PTGER3: variants seen among roughly 807,000 people sequenced by gnomAD.
PTGER3 encodes prostaglandin E receptor 3.
A neutral mutation model predicts 34.7 loss-of-function variants in PTGER3; 22 were observed. That is an observed-to-expected ratio of 0.63 (90% CI 0.45 to 0.91). The LOEUF is 0.91. PTGER3 is among the 40% of genes least tolerant of loss of function. PTGER3 has a pLI of 0.00. For synonymous variants in PTGER3, 241 were observed against 230.1 expected, an observed-to-expected ratio of 1.05 and a Z score of -0.43; for missense variants, 468 against 519.4, an observed-to-expected ratio of 0.90 and a Z score of 0.96.
chr1:70,991,906 G>A (rs1348775374), intron 2 of PTGER3, among the ~76,000 whole-genome samples: 2 of 152,066 alleles, frequency 1.3e-5, no homozygotes, highest in African/African-American at 4.8e-5. Flanking sequence ...TAGATTATAG[G>A]TCTTATGGTG....
At chr1:70,852,577 A>T in exon 5 of PTGER3, 1 of 502,736 alleles carries the variant, frequency 2.0e-6, no homozygotes, top group South Asian at 3.0e-5. Context: ...AATTTTACAT[A>T]TGATAATGTA....
At position 70,971,519 on chromosome 1, in the gene PTGER3, T is replaced by C; in HGVS notation, c.*211A>G. 8.2e-7 allele frequency: 1 copy of C among 1,216,956 alleles called. No individual in the cohort carries two copies. Among genetic ancestry groups the C allele is most frequent in the Non-Finnish European group, 1.0e-6 (1 of 971,356 alleles). The allele number at this position is 1,216,956 out of a possible 1,614,324, so 75.4% of individuals were successfully genotyped here. A position where few individuals can be genotyped will look rare whatever the true frequency, so the allele number is the denominator to read the frequency against. ...TCTTAAATGCATATTCAAAATCCCA[T>C]CCAAGAAACCAATCTAATATTCAGA... On this transcript the variant is annotated 3_prime_UTR_variant, in exon 4 of 4. Coordinates refer to ENST00000306666, the MANE Select transcript of PTGER3 (RefSeq NM_198719.2).
exon 5 of PTGER3, chr1:70,852,508 A>C (rs1203874216): frequency 1.1e-5 from 4 of 364,176 alleles, no homozygotes; most frequent in Non-Finnish European, 2.0e-5. Context: ...AACGATTTAG[A>C]GCTCCATGTT....
intron 4 of PTGER3, among the ~76,000 whole-genome samples, chr1:70,892,261 A>G (rs915354827): frequency 6.6e-6 from 1 of 152,224 alleles, no homozygotes; most frequent in Non-Finnish European, 1.5e-5. Flanking sequence ...GAGTTTCCGC[A>G]TGTAAAATGT....
downstream of PTGER3, among the ~76,000 whole-genome samples, chr1:70,970,544 C>T (rs1205283536): frequency 6.6e-6 from 1 of 152,144 alleles, no homozygotes; most frequent in African/African-American, 2.4e-5. Context: ...TATGATCCTA[C>T]AGCAAAACTT....
At position 70,917,589 on chromosome 1, in the gene PTGER3, A is replaced by G. The variant is rs192881176; in HGVS notation, c.*23+36174T>C. Among the ~76,000 whole-genome samples, 353 of 152,032 alleles carry G rather than the reference A, an allele frequency of 2.3e-3. 2 individuals carry two copies. The highest frequency in any genetic ancestry group is 8.1e-3 in the African/African-American group (336 of 41,500). ...ATATACCCAGTAAAGAGATTGCTGG[A>G]TTATATGATAGATCTATTTTTATTT... On this transcript the variant is annotated intron_variant, in intron 4 of 4. Coordinates refer to the PTGER3 transcript ENST00000370931.
At chr1:70,995,953 T>C (rs935476313) in intron 2 of PTGER3, among the ~76,000 whole-genome samples, 2 of 152,142 alleles carry the variant, frequency 1.3e-5, no homozygotes, top group African/African-American at 4.8e-5. Flanking sequence ...GGTGTTGTTA[T>C]CTCCAATTTA....
intron 1 of PTGER3, among the ~76,000 whole-genome samples, chr1:71,031,967 T>C (rs1022860311): frequency 6.6e-6 from 1 of 152,208 alleles, no homozygotes; most frequent in Non-Finnish European, 1.5e-5. Flanking sequence ...TATTAAGAAA[T>C]TTGCTTTTGG....
exon 5 of PTGER3, chr1:70,852,591 G>T: frequency 1.9e-6 from 1 of 540,038 alleles, no homozygotes; most frequent in East Asian, 3.2e-5. Flanking sequence ...TAATGTATAC[G>T]CAAATATAAA....
At chr1:70,926,542 C>T (rs1648107397) in intron 4 of PTGER3, among the ~76,000 whole-genome samples, 1 of 152,136 alleles carries the variant, frequency 6.6e-6, no homozygotes, top group Non-Finnish European at 1.5e-5. Context: ...TATCCTGAGA[C>T]TTTGCTGAAG....
chr1:71,036,703 G>C (rs1209605378), intron 1 of PTGER3, among the ~76,000 whole-genome samples: 2 of 151,950 alleles, frequency 1.3e-5, no homozygotes, highest in Non-Finnish European at 2.9e-5. Flanking sequence ...GCCGGGTGTG[G>C]TGGTGGGCTC....
chr1:70,923,969 A>G (rs544832954), intron 4 of PTGER3, among the ~76,000 whole-genome samples: 31 of 152,306 alleles, frequency 2.0e-4, no homozygotes, highest in African/African-American at 7.5e-4. Context: ...TTTGACTTGT[A>G]GAGCCAATAA....
At chr1:71,005,125 G>A (rs757209006) in intron 2 of PTGER3, among the ~76,000 whole-genome samples, 6 of 152,154 alleles carry the variant, frequency 3.9e-5, no homozygotes, top group Non-Finnish European at 7.3e-5. Context: ...AGAAGTCAGG[G>A]ACATTGGGAA....
intron 2 of PTGER3, chr1:71,009,216 G>T: frequency 4.1e-6 from 4 of 985,220 alleles, no homozygotes; most frequent in Non-Finnish European, 4.8e-6. Context: ...TTTTTAGTTT[G>T]TCTGTCACTC....
intron 4 of PTGER3, among the ~76,000 whole-genome samples, chr1:70,920,294 A>G (rs777234315): frequency 3.3e-5 from 5 of 152,258 alleles, no homozygotes; most frequent in Middle Eastern, 6.8e-3. Flanking sequence ...GCCCTTCCAG[A>G]CTTGTGGTTA....
At chr1:70,917,202 C>T (rs1159951581) in intron 4 of PTGER3, among the ~76,000 whole-genome samples, 3 of 151,724 alleles carry the variant, frequency 2.0e-5, no homozygotes, top group Non-Finnish European at 4.4e-5. Flanking sequence ...CGCTTTCCCC[C>T]TCTCTCCTCA....
chr1:70,913,844 T>C (rs1251219650), intron 4 of PTGER3, among the ~76,000 whole-genome samples: 1 of 151,890 alleles, frequency 6.6e-6, no homozygotes, highest in Non-Finnish European at 1.5e-5. Flanking sequence ...TGATTTGTTA[T>C]GCTTTATATA....
At chr1:71,027,924 G>A (rs1382099675) in intron 1 of PTGER3, among the ~76,000 whole-genome samples, 3 of 152,112 alleles carry the variant, frequency 2.0e-5, no homozygotes, top group Non-Finnish European at 2.9e-5. Context: ...CATTTCAAGA[G>A]GCAAATAACC....
downstream of PTGER3, among the ~76,000 whole-genome samples, chr1:70,967,976 T>C (rs1652698558): frequency 6.6e-6 from 1 of 152,232 alleles, no homozygotes; most frequent in Non-Finnish European, 1.5e-5. Context: ...CCAAAGCTTC[T>C]AAACACAATA....
Sources: allele counts gnomAD v4.1 joint callset (sites outside exome capture counted in the v4.1 genomes callset), GRCh38; gene constraint gnomAD v4.1.1; transcripts MANE v1.5; gene names NCBI Gene and HGNC (gene_info 2026-07-23, HGNC 2026-07-21).